Variants in CNTN5 observed in about 807,000 individuals in gnomAD.
CNTN5 encodes contactin-5.
A neutral mutation model predicts 129.1 loss-of-function variants in CNTN5; 77 were observed. That is an observed-to-expected ratio of 0.60 (90% confidence interval 0.50 to 0.72). The LOEUF is 0.72. CNTN5 is among the 30% of genes least tolerant of loss of function. CNTN5 has a pLI of 0.00. For synonymous variants in CNTN5, 509 were observed against 465.6 expected (o/e 1.09, Z -1.20); for missense variants, 1,478 against 1,328.8 (o/e 1.11, Z -1.75).
chr11:100,152,370 CCT>C (rs1429014477), intron 13 of CNTN5, among the ~76,000 whole-genome samples: 2 of 152,064 alleles, frequency 1.3e-5, no homozygotes, highest in Non-Finnish European at 2.9e-5. Flanking sequence ...ACTCTGGTCC[CCT>C]GACTCCCTGT....
At chr11:99,628,508 T>C (rs1951212610) in intron 3 of CNTN5, among the ~76,000 whole-genome samples, 2 of 151,950 alleles carry the variant, frequency 1.3e-5, no homozygotes, top group Admixed American at 1.3e-4. Context: ...CAATGTACCG[T>C]GTATTATATA....
At chr11:100,285,951 A>G in intron 18 of CNTN5, among the ~76,000 whole-genome samples, 1 of 152,240 alleles carries the variant, frequency 6.6e-6, no homozygotes, top group East Asian at 1.9e-4. Flanking sequence ...TGGGAAGCGC[A>G]AGGGGTCAGG....
At chr11:99,778,845 A>G (rs977985202) in intron 3 of CNTN5, among the ~76,000 whole-genome samples, 16 of 140,070 alleles carry the variant, frequency 1.1e-4, no homozygotes, top group African/African-American at 3.3e-4. Flanking sequence ...AATATCAACA[A>G]TTTTTCTCTA....
intron 7 of CNTN5, among the ~76,000 whole-genome samples, chr11:99,946,097 C>A (rs1405593311): frequency 6.6e-6 from 1 of 152,096 alleles, no homozygotes; most frequent in Non-Finnish European, 1.5e-5. Context: ...CTCTCGATCT[C>A]ATCTTTAACG....
intron 1 of CNTN5, among the ~76,000 whole-genome samples, chr11:99,156,188 G>T (rs1026347615): frequency 6.6e-6 from 1 of 151,860 alleles, no homozygotes; most frequent in Non-Finnish European, 1.5e-5. Flanking sequence ...ATAATAAAAA[G>T]ATTGTATAAA....
intron 24 of CNTN5, among the ~76,000 whole-genome samples, chr11:100,354,132 A>T (rs973738787): frequency 2.6e-5 from 4 of 151,640 alleles, no homozygotes; most frequent in Admixed American, 2.0e-4. Flanking sequence ...GCAAGAGGAG[A>T]ATAAATAATT....
intron 17 of CNTN5, among the ~76,000 whole-genome samples, chr11:100,261,902 A>C (rs764732741): frequency 3.3e-5 from 5 of 152,172 alleles, no homozygotes; most frequent in African/African-American, 7.2e-5. Flanking sequence ...AAACTTCATT[A>C]CTAAAACACC....
chr11:99,755,010 T>G (rs1045557511), intron 3 of CNTN5, among the ~76,000 whole-genome samples: 1 of 152,174 alleles, frequency 6.6e-6, no homozygotes, highest in Admixed American at 6.5e-5. Flanking sequence ...GTTGGAATCA[T>G]ACAGTAGGTA....
intron 6 of CNTN5, among the ~76,000 whole-genome samples, chr11:99,860,948 T>TC (rs1461784597): frequency 2.8e-5 from 3 of 108,382 alleles, no homozygotes; most frequent in Non-Finnish European, 5.9e-5. Context: ...GAATATGTCT[T>TC]CATTTTTTTT....
intron 8 of CNTN5, among the ~76,000 whole-genome samples, chr11:99,999,686 T>A (rs1939725951): frequency 6.6e-6 from 1 of 152,186 alleles, no homozygotes; most frequent in South Asian, 2.1e-4. Flanking sequence ...TAAATCATGC[T>A]GCTGTAAAGA....
At chr11:99,698,912 CATA>C (rs1413011144) in intron 3 of CNTN5, among the ~76,000 whole-genome samples, 1 of 44,252 alleles carries the variant, frequency 2.3e-5, no homozygotes, top group East Asian at 3.9e-4. Context: ...AACACAAAAA[CATA>C]AAAAAAAAAA....
chr11:99,819,658 C>G lies in CNTN5; in HGVS notation c.170C>G (p.Pro57Arg). The change falls in exon 4 of 25, where the codon CCT becomes CGT. Residue 57 changes from proline to arginine, a missense_variant. By Grantham distance (103) the Pro-to-Arg change is moderately radical (BLOSUM62 -2). Coordinates refer to ENST00000524871, the MANE Select transcript of CNTN5 (RefSeq NM_014361.4). ...AAAACCAGACCACGATACAGCAGCC[C>G]TTCATTAGGAACACTGAGTGCTTCT... ...GSKTRPRYSS[P>R]SLGTLSASSP... 2 of 1,613,000 alleles carry G rather than the reference C, an allele frequency of 1.2e-6. No homozygotes were observed. Among genetic ancestry groups the G allele is most frequent in the African/African-American group, 1.3e-5 (1 of 75,088 alleles).
At chr11:100,002,222 G>T (rs1396731998) in intron 9 of CNTN5, 86 bp downstream of exon 9, 3 of 855,368 alleles carry the variant, frequency 3.5e-6, no homozygotes, top group East Asian at 3.2e-5. Context: ...TTTGCTAGGT[G>T]TCATTTCCCC....
At chr11:99,905,705 C>A (rs1190029591) in intron 6 of CNTN5, among the ~76,000 whole-genome samples, 2 of 152,050 alleles carry the variant, frequency 1.3e-5, no homozygotes, top group African/African-American at 4.8e-5. Context: ...ATGGGGATAT[C>A]ATTGAATCTA....
chr11:100,018,566 T>C (rs916946189), intron 9 of CNTN5, among the ~76,000 whole-genome samples: 1 of 151,994 alleles, frequency 6.6e-6, no homozygotes, highest in African/African-American at 2.4e-5. Context: ...CGTGCATCTG[T>C]GCACCTGTTG....
chr11:99,355,281 A>G (rs1282823502), intron 2 of CNTN5, among the ~76,000 whole-genome samples: 1 of 152,142 alleles, frequency 6.6e-6, no homozygotes, highest in African/African-American at 2.4e-5. Flanking sequence ...TTTTTGTTTC[A>G]ATAGCATATT....
chr11:99,251,642 A>G (rs1353895640), intron 1 of CNTN5, among the ~76,000 whole-genome samples: 1 of 152,016 alleles, frequency 6.6e-6, no homozygotes, highest in Non-Finnish European at 1.5e-5. Flanking sequence ...GGCTATAACT[A>G]TAACAATTGT....
chr11:99,073,951 A>G (rs1444670026), intron 1 of CNTN5, among the ~76,000 whole-genome samples: 1 of 152,126 alleles, frequency 6.6e-6, no homozygotes, highest in South Asian at 2.1e-4. Context: ...GAATCACCAC[A>G]CTGTCTTCCA....
At chr11:99,856,294 C>T (rs915585053) in intron 6 of CNTN5, among the ~76,000 whole-genome samples, 2 of 152,198 alleles carry the variant, frequency 1.3e-5, no homozygotes, top group African/African-American at 2.4e-5. Flanking sequence ...TTCAAGTCCT[C>T]TTCAGCTAAC....
Sources: gnomAD v4.1 joint callset for allele counts (sites outside exome capture counted in the v4.1 genomes callset) on GRCh38, gnomAD v4.1.1 for gene constraint, MANE v1.5 for transcripts, NCBI Gene and HGNC (gene_info 2026-07-23, HGNC 2026-07-21) for gene names.